Variants in SPTLC2 observed in about 807,000 individuals in gnomAD.
SPTLC2 encodes the protein serine palmitoyltransferase long chain base subunit 2.
A neutral mutation model predicts 62.0 loss-of-function variants in SPTLC2; 21 were observed. The observed-to-expected ratio is 0.34, with a 90% CI of 0.24 to 0.49. The LOEUF is 0.49. Among genes scored for constraint, SPTLC2 ranks in the 20% least tolerant of loss-of-function variants. The pLI is 0.99. For missense variants in SPTLC2, 511 were observed against 713.0 expected, an observed-to-expected ratio of 0.72 and a Z score of 3.23; for synonymous variants, 261 against 261.8, an observed-to-expected ratio of 1.00 and a Z score of 0.03.
intron 9 of SPTLC2, among the ~76,000 whole-genome samples, chr14:77,544,847 T>C (rs1426657401): frequency 1.3e-5 from 2 of 152,214 alleles, no homozygotes; most frequent in Non-Finnish European, 2.9e-5. Context: ...TGGTATCTTA[T>C]CACCCTGGCC....
intron 5 of SPTLC2, among the ~76,000 whole-genome samples, chr14:77,568,603 TCA>T (rs2079659360): frequency 6.6e-6 from 1 of 151,964 alleles, no homozygotes; most frequent in Non-Finnish European, 1.5e-5. Flanking sequence ...GGTCAGGAGA[TCA>T]AGACCATCTT....
At chr14:77,519,246 G>A (rs1190328907) in intron 10 of SPTLC2, among the ~76,000 whole-genome samples, 1 of 151,944 alleles carries the variant, frequency 6.6e-6, no homozygotes, top group African/African-American at 2.4e-5. Flanking sequence ...CACCATGTTG[G>A]CCAGGATGGT....
At chr14:77,591,138 G>A (rs2079813940) in intron 2 of SPTLC2, among the ~76,000 whole-genome samples, 2 of 152,176 alleles carry the variant, frequency 1.3e-5, no homozygotes. Context: ...TTCAGCAATA[G>A]GAAGCAATGA....
chr14:77,579,742 C>CA (rs887448221), intron 2 of SPTLC2, among the ~76,000 whole-genome samples: 13 of 151,640 alleles, frequency 8.6e-5, no homozygotes, highest in African/African-American at 1.7e-4. Flanking sequence ...AAAACAACAA[C>CA]AAAAAAAACC....
chr14:77,544,375 G>A (rs1451163632), intron 9 of SPTLC2, among the ~76,000 whole-genome samples: 2 of 152,094 alleles, frequency 1.3e-5, no homozygotes, highest in Non-Finnish European at 2.9e-5. Context: ...TCAGTAGGGT[G>A]GGTGGAACAA....
At chr14:77,552,369 G>A in intron 8 of SPTLC2, 147 bp from the exon 9 acceptor site, 1 of 1,004,472 alleles carries the variant, frequency 1.0e-6, no homozygotes, top group Admixed American at 2.0e-5. Flanking sequence ...CAACCAACAT[G>A]GTCGAAGCAT....
intron 10 of SPTLC2, among the ~76,000 whole-genome samples, chr14:77,519,063 G>C (rs533942575): frequency 4.0e-5 from 6 of 150,830 alleles, no homozygotes; most frequent in Non-Finnish European, 8.9e-5. Context: ...GTTTTTTTTT[G>C]AGTCTCTCGC....
chr14:77,548,497 T>C (rs1445358341), intron 9 of SPTLC2, among the ~76,000 whole-genome samples: 1 of 152,254 alleles, frequency 6.6e-6, no homozygotes, highest in African/African-American at 2.4e-5. Context: ...TTTCCATTAG[T>C]GGACACGGAT....
chr14:77,519,842 C>T (rs1189315748), intron 10 of SPTLC2, among the ~76,000 whole-genome samples: 1 of 152,202 alleles, frequency 6.6e-6, no homozygotes, highest in Admixed American at 6.5e-5. Flanking sequence ...AGCACATGCT[C>T]CCAAACTGTC....
intron 8 of SPTLC2, 128 bp from the exon 9 acceptor site, chr14:77,552,350 A>C: frequency 8.8e-7 from 1 of 1,139,092 alleles, no homozygotes; most frequent in Non-Finnish European, 1.3e-6. Flanking sequence ...CTAATCTGAG[A>C]TACAAGGTCA....
In SPTLC2 at chr14:77,588,895, C is replaced by G. The variant is rs563846640; in HGVS notation, c.327+8291G>C. Among the ~76,000 whole-genome samples the G allele has an allele frequency of 2.1e-5, 3 of 145,362 alleles. No individual in the cohort carries two copies. The East Asian group carries it at 6.4e-4, about 31-fold the overall frequency. ...CCTGTAGTTCCAGCAACTCCGGAGGCTGAGGTGGGAGGATCACCTGAGCAC... is the reference window on the plus strand; with the variant it reads ...CCTGTAGTTCCAGCAACTCCGGAGGGTGAGGTGGGAGGATCACCTGAGCAC... On this transcript the variant is annotated intron_variant, in intron 2 of 11. Coordinates refer to ENST00000216484, the MANE Select transcript of SPTLC2 (RefSeq NM_004863.4).
chr14:77,517,706 G>A (rs1025874874), intron 11 of SPTLC2, among the ~76,000 whole-genome samples: 11 of 152,144 alleles, frequency 7.2e-5, no homozygotes, highest in African/African-American at 2.7e-4. Flanking sequence ...GCCAGGCAGA[G>A]GGGAGAGAAA....
chr14:77,598,122 C>A (rs866107519), intron 1 of SPTLC2, among the ~76,000 whole-genome samples: 304 of 116,732 alleles, frequency 2.6e-3, no homozygotes, highest in African/African-American at 2.9e-3. Context: ...AACCCCATCT[C>A]AAAAAAAAAA....
intron 9 of SPTLC2, among the ~76,000 whole-genome samples, chr14:77,537,749 T>C (rs2079478613): frequency 6.6e-6 from 1 of 152,194 alleles, no homozygotes; most frequent in Admixed American, 6.5e-5. Flanking sequence ...ACCTCTCAGC[T>C]TCCCCCTTTT....
intron 2 of SPTLC2, among the ~76,000 whole-genome samples, chr14:77,588,996 CAAAAAAAAAAAAAAAAAA>C (rs60536883): frequency 8.0e-5 from 6 of 74,626 alleles, no homozygotes; most frequent in Non-Finnish European, 9.6e-5. Context: ...GACCTTGTCT[CAAAAAAAAAAAAAAAAAA>C]AAAAAAAAAA....
chr14:77,537,520 G>A (rs927871526), intron 9 of SPTLC2, among the ~76,000 whole-genome samples: 4 of 151,962 alleles, frequency 2.6e-5, no homozygotes, highest in African/African-American at 7.3e-5. Flanking sequence ...GTTGAAATAC[G>A]CTGGGAAAAT....
At chr14:77,591,190 G>A (rs1225868363) in intron 2 of SPTLC2, among the ~76,000 whole-genome samples, 4 of 152,134 alleles carry the variant, frequency 2.6e-5, no homozygotes, top group South Asian at 2.1e-4. Context: ...AATACATTAC[G>A]CCAAGTGAAA....
intron 2 of SPTLC2, among the ~76,000 whole-genome samples, chr14:77,595,144 G>A (rs1189140948): frequency 7.2e-5 from 11 of 151,938 alleles, no homozygotes; most frequent in African/African-American, 2.7e-4. Flanking sequence ...CAGGTGGATC[G>A]TTTGAGGTCA....
intron 9 of SPTLC2, among the ~76,000 whole-genome samples, chr14:77,525,725 A>G (rs2079406055): frequency 1.3e-5 from 2 of 152,164 alleles, no homozygotes; most frequent in South Asian, 4.1e-4. Context: ...CCTGGCTAAC[A>G]CGGTGAAACC....
Sources: gnomAD v4.1 joint callset for allele counts (sites outside exome capture counted in the v4.1 genomes callset) on GRCh38, gnomAD v4.1.1 for gene constraint, MANE v1.5 for transcripts, NCBI Gene and HGNC (gene_info 2026-07-23, HGNC 2026-07-21) for gene names.